Variants in CPB2 observed in about 807,000 individuals in gnomAD.
CPB2 encodes carboxypeptidase B2.
Under a neutral mutation model 57.0 loss-of-function variants are expected in CPB2, and 54 were observed. The ratio of observed to expected loss-of-function variants is 0.95; its 90% CI spans 0.76 to 1.19. The LOEUF is 1.19. Ranked by LOEUF, CPB2 falls within the 50% of genes most tolerant of loss-of-function variation. The pLI is 0.00. For missense variants in CPB2, 426 were observed against 512.0 expected (o/e 0.83, Z 1.62); for synonymous variants, 189 against 178.1 (o/e 1.06, Z -0.49).
chr13:46,056,417 G>C (rs999027502), intron 9 of CPB2, among the ~76,000 whole-genome samples: 2 of 152,102 alleles, frequency 1.3e-5, no homozygotes, highest in South Asian at 2.1e-4. Context: ...CATTTTGTCT[G>C]TTGATATTCA....
At chr13:46,070,760 C>T (rs1206726879) in intron 6 of CPB2, among the ~76,000 whole-genome samples, 1 of 152,152 alleles carries the variant, frequency 6.6e-6, no homozygotes, top group African/African-American at 2.4e-5. Flanking sequence ...TTACTCCAAT[C>T]TCTATATATG....
chr13:46,100,400 G>C (rs1419342076), intron 1 of CPB2: 1 of 152,094 alleles, frequency 6.6e-6, no homozygotes, highest in Admixed American at 6.5e-5. Context: ...TTTGGAAACT[G>C]GTTTCATGAC....
chr13:46,067,048 T>C (rs571869291), intron 7 of CPB2, among the ~76,000 whole-genome samples: 8 of 151,950 alleles, frequency 5.3e-5, no homozygotes, highest in South Asian at 2.1e-4. Context: ...ATGAGTAAGG[T>C]AGAAGTGGGT....
At chr13:46,055,704 T>C in intron 10 of CPB2, 58 bp downstream of exon 10, 1 of 1,002,808 alleles carries the variant, frequency 1.0e-6, no homozygotes, top group South Asian at 1.5e-5. Context: ...GAAAAACAGA[T>C]CACACAGATT....
At chr13:46,074,062 AAT>A in intron 5 of CPB2, 85 bp from the exon 6 acceptor site, 1 of 687,320 alleles carries the variant, frequency 1.5e-6, no homozygotes, top group South Asian at 2.6e-5. Flanking sequence ...GCTTATATTT[AAT>A]AGTTTCAGCA....
chr13:46,089,690 T>C (rs1431359523), intron 1 of CPB2, among the ~76,000 whole-genome samples: 1 of 152,154 alleles, frequency 6.6e-6, no homozygotes, highest in Non-Finnish European at 1.5e-5. Context: ...AGAGGCTTCA[T>C]GAATGGGATT....
chr13:46,091,429 T>C (rs1346183809), intron 1 of CPB2, among the ~76,000 whole-genome samples: 1 of 152,236 alleles, frequency 6.6e-6, no homozygotes, highest in Non-Finnish European at 1.5e-5. Flanking sequence ...ATAAAATGCA[T>C]GATTCCTAAT....
intron 10 of CPB2, among the ~76,000 whole-genome samples, chr13:46,055,033 G>A (rs1341639280): frequency 2.0e-5 from 3 of 150,338 alleles, no homozygotes; most frequent in Non-Finnish European, 4.4e-5. Flanking sequence ...TTACAGGCAT[G>A]AGCCACAGCA....
chr13:46,059,991 A>G (rs2044749223), intron 8 of CPB2, among the ~76,000 whole-genome samples: 1 of 152,116 alleles, frequency 6.6e-6, no homozygotes, highest in Admixed American at 6.5e-5. Context: ...CTGCCCTTTT[A>G]TGTGATATAT....
At chr13:46,072,052 A>G (rs1439468890) in intron 6 of CPB2, among the ~76,000 whole-genome samples, 1 of 152,212 alleles carries the variant, frequency 6.6e-6, no homozygotes, top group Non-Finnish European at 1.5e-5. Flanking sequence ...TTGGTGATGC[A>G]GTCATGCACA....
chr13:46,083,415 A>C (rs2045149950), intron 3 of CPB2, among the ~76,000 whole-genome samples: 1 of 152,186 alleles, frequency 6.6e-6, no homozygotes, highest in African/African-American at 2.4e-5. Context: ...AAAACAGTAC[A>C]CACCTATAAT....
At chr13:46,066,100 C>T (rs1256759315) in intron 7 of CPB2, among the ~76,000 whole-genome samples, 1 of 151,996 alleles carries the variant, frequency 6.6e-6, no homozygotes, top group African/African-American at 2.4e-5. Flanking sequence ...ATATCTTCTG[C>T]ATAAATTACC....
At chr13:46,084,415 C>A in intron 2 of CPB2, 72 bp from the exon 3 acceptor site, 1 of 1,545,922 alleles carries the variant, frequency 6.5e-7, no homozygotes, top group Non-Finnish European at 8.8e-7. Context: ...GTAGCTAGAG[C>A]CATGACAGTT....
intron 9 of CPB2, among the ~76,000 whole-genome samples, chr13:46,057,151 T>G (rs1308516742): frequency 6.7e-6 from 1 of 149,978 alleles, no homozygotes; most frequent in South Asian, 2.1e-4. Flanking sequence ...CTGGCAGTGA[T>G]GCAAAAAAAA....
chr13:46,084,387 TTCACATCA>T (rs1370162286), intron 2 of CPB2, 44 bp from the exon 3 acceptor site: 9 of 1,606,864 alleles, frequency 5.6e-6, no homozygotes, highest in Admixed American at 1.7e-5. Context: ...AAAAGAGTTG[TTCACATCA>T]TTCTCATCTG....
At position 46,064,672 on chromosome 13, in the gene CPB2, T is replaced by C; in HGVS notation, c.772A>G (p.Asn258Asp). 1 of 1,614,108 alleles carries C rather than the reference T, an allele frequency of 6.2e-7. No individual in the cohort carries two copies. The highest frequency in any genetic ancestry group is 8.5e-7 in the Non-Finnish European group (1 of 1,179,970). ...CCACACCAGTGTTTGGAAGCAAAGT[T>C]CCTATTCAGGTCTGTTCCGATGCAA... ...NHCIGTDLNR[N>D]FASKHWCEEG... Residue 258 changes from asparagine to aspartate, a missense_variant, in exon 8 of 11, where the codon AAC becomes GAC. Coordinates refer to ENST00000181383, the MANE Select transcript of CPB2 (RefSeq NM_001872.5).
chr13:46,079,182 C>A (rs2045069270), intron 4 of CPB2, among the ~76,000 whole-genome samples: 1 of 152,118 alleles, frequency 6.6e-6, no homozygotes. Context: ...CTGAAAGTTA[C>A]TTTTAAAGTC....
intron 4 of CPB2, among the ~76,000 whole-genome samples, chr13:46,079,535 C>CAAAAAAAA (rs58164990): frequency 3.6e-3 from 397 of 110,810 alleles, no homozygotes; most frequent in East Asian, 7.2e-3. Context: ...AAGGAAAAAG[C>CAAAAAAAA]AAAAAAAAAA....
intron 2 of CPB2, among the ~76,000 whole-genome samples, chr13:46,085,663 C>T (rs1341702555): frequency 1.3e-5 from 2 of 152,198 alleles, no homozygotes; most frequent in African/African-American, 4.8e-5. Flanking sequence ...CTCCAGCTCC[C>T]GCCTCTATCC....
Sources: allele counts gnomAD v4.1 joint callset (sites outside exome capture counted in the v4.1 genomes callset), GRCh38; gene constraint gnomAD v4.1.1; transcripts MANE v1.5; gene names NCBI Gene and HGNC (gene_info 2026-07-23, HGNC 2026-07-21).